Variants in PSG3 observed in about 807,000 individuals in gnomAD.
PSG3 encodes the protein pregnancy specific beta-1-glycoprotein 3, also known as pregnancy-specific beta-1-glycoprotein 3.
Under a neutral mutation model 47.5 loss-of-function variants are expected in PSG3, and 61 were observed. The observed-to-expected ratio is 1.28, with a 90% CI of 1.05 to 1.59. The LOEUF is 1.59. Among genes scored for constraint, PSG3 ranks in the 40% most tolerant of loss-of-function variants. The probability of loss-of-function intolerance (pLI) is 0.00; values close to 1 mark genes in which losing one functional copy is unlikely to be tolerated. For synonymous variants in PSG3, 263 were observed against 198.4 expected (o/e 1.33, Z -2.74); for missense variants, 756 against 524.0 (o/e 1.44, Z -4.32).
chr19:42,737,839 TG>T (rs535821320), intron 2 of PSG3, among the ~76,000 whole-genome samples: 18 of 152,214 alleles, frequency 1.2e-4, no homozygotes, highest in Admixed American at 2.0e-4. Flanking sequence ...ATAAGCTAAA[TG>T]GCAAATGGAC....
chr19:42,724,846 C>T (rs1461631693), intron 5 of PSG3, among the ~76,000 whole-genome samples: 1 of 151,636 alleles, frequency 6.6e-6, no homozygotes, highest in Non-Finnish European at 1.5e-5. Flanking sequence ...TAACCATGTC[C>T]TAGTGTTTTA....
chr19:42,735,533 A>T (rs1390725017), intron 2 of PSG3, among the ~76,000 whole-genome samples: 1 of 151,896 alleles, frequency 6.6e-6, no homozygotes, highest in East Asian at 1.9e-4. Flanking sequence ...CGTCCAGCTA[A>T]TTTTTTGTAT....
At chr19:42,730,528 C>T (rs1377932206) in intron 3 of PSG3, among the ~76,000 whole-genome samples, 1 of 152,210 alleles carries the variant, frequency 6.6e-6, no homozygotes, top group Non-Finnish European at 1.5e-5. Flanking sequence ...GGCCCTGAAA[C>T]CCTGAAGATA....
intron 5 of PSG3, among the ~76,000 whole-genome samples, chr19:42,725,890 C>CAAAAA (rs200684147): frequency 0.045 from 3,075 of 67,662 alleles, 38 homozygotes; most frequent in Admixed American, 0.067. Context: ...CAACAACAAC[C>CAAAAA]AAAAAAAAAA....
chr19:42,735,621 A>C (rs1415770711), intron 2 of PSG3, among the ~76,000 whole-genome samples: 3 of 152,204 alleles, frequency 2.0e-5, no homozygotes, highest in Admixed American at 6.5e-5. Context: ...TCGGCCTCCC[A>C]AAGTCCTGGG....
Position 42,724,023 on chromosome 19 carries a change from G to A in PSG3, c.1246C>T (p.Pro416Ser). The change falls in exon 6 of 7, where the codon CCT (proline) becomes TCT (serine). Residue 416 changes from proline (P) to serine (S), a missense_variant and splice_region_variant. Physicochemically the swap from Pro to Ser is moderately conservative, Grantham distance 74. Transcript: ENST00000327495. ...SKSMTVKVSA[P>S]SGTGHLPGLN... ...CCAGGAAGATGTCCTGTTCCTGAAG[G>A]AGCTGTCATGGAAAAAAAAGAAAAG... The A allele has an allele frequency of 6.2e-7, 1 of 1,611,148 alleles. No individual in the cohort carries two copies. The highest frequency in any genetic ancestry group is 8.5e-7 in the Non-Finnish European group (1 of 1,177,336).
chr19:42,732,461 G>T lies in PSG3; in HGVS notation c.709+323C>A, dbSNP rs183327459. On this transcript the variant is annotated intron_variant, in intron 3 of 6. Coordinates refer to ENST00000327495, the MANE Select transcript of PSG3 (RefSeq NM_021016.4). ...TCCTGGTCTGTGGAAGGGCCACAGT[G>T]ACCCTGTGAGCCAAGTTGCAACACT... The T allele has an allele frequency of 3.1e-3, 1,650 of 527,224 alleles. 27 individuals carry two copies. The highest frequency in any genetic ancestry group is 0.029 in the African/African-American group (1,502 of 52,548). The allele number at this position is 527,224 out of a possible 1,614,324, so 32.7% of individuals were successfully genotyped here.
intron 3 of PSG3, 61 bp downstream of exon 3, chr19:42,732,723 G>A (rs1355684265): frequency 1.2e-6 from 2 of 1,614,020 alleles, no homozygotes; most frequent in African/African-American, 2.7e-5. Context: ...GAGAGGCCTG[G>A]CCTCTGGCCA....
chr19:42,729,855 T>C lies in PSG3; in HGVS notation c.911A>G (p.Glu304Gly), dbSNP rs767305460. The change falls in exon 4 of 7, where the codon GAA becomes GGA. Residue 304 changes from glutamate to glycine, a missense_variant. By Grantham distance (98) the Glu-to-Gly change is moderately conservative. Transcript: ENST00000327495. Reference sequence around the variant, plus strand: ...TATTTCACATTGATAGGGTCCTGTTTCATTTCTCGTGACACTGGGTAGAAT... The same window carrying C: ...TATTTCACATTGATAGGGTCCTGTTCCATTTCTCGTGACACTGGGTAGAAT... ...ILILPSVTRN[E>G]TGPYQCEIQD... The C allele has an allele frequency of 8.1e-6, 13 of 1,613,136 alleles. No individual in the cohort carries two copies. The Admixed American group carries it at 2.0e-4, about 25-fold the overall frequency.
chr19:42,724,882 T>C (rs1969351629), intron 5 of PSG3, among the ~76,000 whole-genome samples: 1 of 151,862 alleles, frequency 6.6e-6, no homozygotes, highest in Admixed American at 6.6e-5. Context: ...TCCATATATA[T>C]ATATATGGAA....
Position 42,732,912 on chromosome 19 carries a change from T to C in PSG3, c.581A>G (p.Gln194Arg), listed in dbSNP as rs751738280. 1.2e-6 allele frequency: 2 copies of C among 1,614,126 alleles called. No homozygotes were observed. Among genetic ancestry groups the C allele is most frequent in the Non-Finnish European group, 1.7e-6 (2 of 1,179,996 alleles). Residue 194 changes from glutamine to arginine, a missense_variant, in exon 3 of 7, where the codon CAG (glutamine) becomes CGG (arginine). Physicochemically the swap from Gln to Arg is conservative, Grantham distance 43 (BLOSUM62 1). Transcript: ENST00000327495. ...GAGGGTCCTTTTGTTTTTGGACAACTGCAAGCTGTGAGTCATAGGGAGGCT... is the reference window on the plus strand; with the variant it reads ...GAGGGTCCTTTTGTTTTTGGACAACCGCAAGCTGTGAGTCATAGGGAGGCT... ...GQSLPMTHSLQLSKNKRTLFL... is the reference protein window; with the variant it reads ...GQSLPMTHSLRLSKNKRTLFL...
intron 1 of PSG3, among the ~76,000 whole-genome samples, chr19:42,739,743 G>C (rs1008177999): frequency 9.9e-5 from 15 of 152,000 alleles, no homozygotes; most frequent in Non-Finnish European, 2.2e-4. Context: ...ATTTTTATTT[G>C]AAGTGTCATC....
intron 6 of PSG3, among the ~76,000 whole-genome samples, chr19:42,723,172 C>T (rs561541931): frequency 6.6e-6 from 1 of 152,208 alleles, no homozygotes; most frequent in Admixed American, 6.5e-5. Flanking sequence ...AGGAAAAGAT[C>T]TCAACCACAC....
intron 2 of PSG3, among the ~76,000 whole-genome samples, chr19:42,736,085 C>T (rs1969558319): frequency 6.6e-6 from 1 of 152,136 alleles, no homozygotes; most frequent in African/African-American, 2.4e-5. Context: ...AAAGTAACAC[C>T]CTTACTTTGC....
rs745355072 is a variant in PSG3, at chr19:42,729,109, T to G, written c.1243+14A>C. ...CCTAAAACTCTATTGCCAAGCATGCTGGGATCCACTTACCAGAGACTTTGA... is the reference window on the plus strand; with the variant it reads ...CCTAAAACTCTATTGCCAAGCATGCGGGGATCCACTTACCAGAGACTTTGA... On this transcript the variant is annotated intron_variant, in intron 5 of 6. Coordinates refer to ENST00000327495, the MANE Select transcript of PSG3 (RefSeq NM_021016.4). The G allele has an allele frequency of 2.5e-6, 4 of 1,613,956 alleles. No individual in the cohort carries two copies. In the South Asian group the frequency reaches 3.3e-5, roughly 13 times the overall value.
intron 5 of PSG3, among the ~76,000 whole-genome samples, chr19:42,726,283 G>A (rs1194641995): frequency 1.3e-5 from 2 of 151,988 alleles, no homozygotes; most frequent in African/African-American, 2.4e-5. Flanking sequence ...AGTATTGAAA[G>A]GTCTAGTCAG....
intron 4 of PSG3, 70 bp downstream of exon 4, chr19:42,729,708 A>G (rs1969438848): frequency 6.4e-7 from 1 of 1,574,724 alleles, no homozygotes; most frequent in East Asian, 2.2e-5. Flanking sequence ...AGAGAGAGTG[A>G]GAGGCCTGGC....
Position 42,740,406 on chromosome 19 carries a change from C to G in PSG3, c.-22G>C, listed in dbSNP as rs1488352452. 2 of 1,614,006 alleles carry G rather than the reference C, an allele frequency of 1.2e-6. No homozygotes were observed. Among genetic ancestry groups the G allele is most frequent in the East Asian group, 4.5e-5 (2 of 44,864 alleles). On this transcript the variant is annotated 5_prime_UTR_variant, in exon 1 of 7. Coordinates refer to ENST00000327495, the MANE Select transcript of PSG3 (RefSeq NM_021016.4). ...CCATGGTCTCTGCTGCCTGCGTGTTCTCCTCTGTGGAGCTGAGCCTAGGAT... is the reference window on the plus strand; with the variant it reads ...CCATGGTCTCTGCTGCCTGCGTGTTGTCCTCTGTGGAGCTGAGCCTAGGAT...
At chr19:42,735,086 T>C (rs1969541004) in intron 2 of PSG3, among the ~76,000 whole-genome samples, 1 of 152,230 alleles carries the variant, frequency 6.6e-6, no homozygotes, top group African/African-American at 2.4e-5. Flanking sequence ...AGCACCCACC[T>C]GGCCACCTCC....
Sources: gnomAD v4.1 joint callset for allele counts (sites outside exome capture counted in the v4.1 genomes callset) on GRCh38, gnomAD v4.1.1 for gene constraint, MANE v1.5 for transcripts, NCBI Gene and HGNC (gene_info 2026-07-23, HGNC 2026-07-21) for gene names.